The following ADIPOR2 variants were observed in gnomAD, a reference collection of about 807,000 sequenced individuals.
The protein encoded by ADIPOR2 is adiponectin receptor protein 2.
ADIPOR2 carries 18 observed loss-of-function variants against 40.9 expected under a neutral mutation model. The ratio of observed to expected loss-of-function variants is 0.44; its 90% CI spans 0.30 to 0.65. The LOEUF (loss-of-function observed/expected upper bound fraction) is 0.65. Among genes scored for constraint, ADIPOR2 ranks in the 30% least tolerant of loss-of-function variants. The pLI, the probability that ADIPOR2 is intolerant of heterozygous loss-of-function variation, is 0.09. For missense variants in ADIPOR2, 283 were observed against 479.2 expected (o/e 0.59, Z 3.82); for synonymous variants, 165 against 166.4 (o/e 0.99, Z 0.06).
intron 3 of ADIPOR2, among the ~76,000 whole-genome samples, chr12:1,775,886 TG>T (rs1249071944): frequency 6.6e-6 from 1 of 152,244 alleles, no homozygotes; most frequent in Non-Finnish European, 1.5e-5. Context: ...TAAAGTCCTG[TG>T]GAAGATCTCA....
At chr12:1,725,670 A>G (rs953819228) in intron 1 of ADIPOR2, among the ~76,000 whole-genome samples, 2 of 152,214 alleles carry the variant, frequency 1.3e-5, no homozygotes, top group African/African-American at 4.8e-5. Context: ...GCAATGTTCT[A>G]GAGACCAGCA....
chr12:1,760,829 A>G (rs931219828), intron 2 of ADIPOR2: 5 of 152,166 alleles, frequency 3.3e-5, no homozygotes, highest in African/African-American at 1.2e-4. Context: ...TGCTGATCTG[A>G]GTGGTGTGAT....
rs149702774 is a variant in ADIPOR2, at chr12:1,703,548, C to T, written c.-87+12357C>T. Among the ~76,000 whole-genome samples, 43 of 151,998 alleles carry T rather than the reference C, an allele frequency of 2.8e-4. No homozygotes were observed. In the East Asian group the frequency reaches 5.8e-3, roughly 21 times the overall value. ...CCCAAGGGTTCGAGACCAACCTGGG[C>T]AACAGAGTGAGACCTGTCTCTACAA... On this transcript the variant is annotated intron_variant, in intron 1 of 7. Transcript: ENST00000357103.
At chr12:1,734,073 G>T (rs903756090) in intron 1 of ADIPOR2, among the ~76,000 whole-genome samples, 1 of 152,068 alleles carries the variant, frequency 6.6e-6, no homozygotes, top group African/African-American at 2.4e-5. Context: ...ATAAACATAC[G>T]TTTGCGTGTG....
At chr12:1,742,916 T>A (rs1178766937) in intron 1 of ADIPOR2, among the ~76,000 whole-genome samples, 2 of 152,226 alleles carry the variant, frequency 1.3e-5, no homozygotes, top group African/African-American at 4.8e-5. Flanking sequence ...AGGATTTACT[T>A]CTTTACTTCA....
chr12:1,760,387 A>T (rs1032343709), intron 2 of ADIPOR2, among the ~76,000 whole-genome samples: 23 of 152,120 alleles, frequency 1.5e-4, no homozygotes, highest in Admixed American at 6.6e-5. Context: ...TAATGGTTTT[A>T]TTAGTCACAG....
intron 1 of ADIPOR2, among the ~76,000 whole-genome samples, chr12:1,741,858 A>T (rs2094743509): frequency 6.6e-6 from 1 of 152,198 alleles, no homozygotes; most frequent in African/African-American, 2.4e-5. Flanking sequence ...TAAAAAATGG[A>T]CCAGACTTTG....
intron 1 of ADIPOR2, among the ~76,000 whole-genome samples, chr12:1,691,905 A>T (rs1283850856): frequency 1.3e-5 from 2 of 152,276 alleles, no homozygotes. Context: ...ACAACTTCAT[A>T]AGATGGTCCA....
At position 1,712,563 on chromosome 12, in the gene ADIPOR2, G is replaced by A. The variant is rs146444973; in HGVS notation, c.-87+21372G>A. Among the ~76,000 whole-genome samples the A allele has an allele frequency of 2.1e-3, 325 of 152,222 alleles. 3 individuals are homozygous for A. Among genetic ancestry groups the A allele is most frequent in the African/African-American group, 7.2e-3 (297 of 41,492 alleles). On this transcript the variant is annotated intron_variant, in intron 1 of 7. Transcript: ENST00000357103. Reference sequence around the variant, plus strand: ...GAGCTATTCCTGCTCTCTCTCTGACGTATAAAGAGAAGTTTTGTCTTGTGG... The same window carrying A: ...GAGCTATTCCTGCTCTCTCTCTGACATATAAAGAGAAGTTTTGTCTTGTGG...
intron 1 of ADIPOR2, among the ~76,000 whole-genome samples, chr12:1,725,125 CTTT>C (rs33993408): frequency 8.1e-4 from 117 of 143,788 alleles, no homozygotes; most frequent in Non-Finnish European, 8.2e-4. Context: ...CGCAAACTTT[CTTT>C]TTTTTTTTTT....
At chr12:1,696,618 A>G (rs977056247) in intron 1 of ADIPOR2, 1 of 151,308 alleles carries the variant, frequency 6.6e-6, no homozygotes, top group African/African-American at 2.4e-5. Flanking sequence ...CTGGTCTTGA[A>G]CTCCTGGCCT....
At chr12:1,768,691 C>T (rs1411023088) in intron 2 of ADIPOR2, among the ~76,000 whole-genome samples, 3 of 152,088 alleles carry the variant, frequency 2.0e-5, no homozygotes, top group Admixed American at 2.0e-4. Context: ...CTCTGTCTTT[C>T]CAAAGGTAAA....
intron 1 of ADIPOR2, among the ~76,000 whole-genome samples, chr12:1,691,907 G>A (rs2094627921): frequency 6.6e-6 from 1 of 152,166 alleles, no homozygotes; most frequent in Non-Finnish European, 1.5e-5. Flanking sequence ...AACTTCATAA[G>A]ATGGTCCAAA....
At chr12:1,746,684 A>G (rs1249298701) in intron 1 of ADIPOR2, among the ~76,000 whole-genome samples, 1 of 152,212 alleles carries the variant, frequency 6.6e-6, no homozygotes, top group East Asian at 1.9e-4. Context: ...AGACTTTAAT[A>G]TGCCACTTTC....
At chr12:1,694,913 G>A (rs1291944911) in intron 1 of ADIPOR2, among the ~76,000 whole-genome samples, 1 of 151,394 alleles carries the variant, frequency 6.6e-6, no homozygotes, top group Admixed American at 6.6e-5. Context: ...CAAACATCTT[G>A]CATTAATTTG....
chr12:1,740,084 A>G (rs2094739356), intron 1 of ADIPOR2, among the ~76,000 whole-genome samples: 1 of 152,146 alleles, frequency 6.6e-6, no homozygotes, highest in Non-Finnish European at 1.5e-5. Flanking sequence ...CCTGGGCGAC[A>G]AGAGCGAGGC....
At chr12:1,756,516 G>T (rs1317501803) in intron 2 of ADIPOR2, among the ~76,000 whole-genome samples, 3 of 150,814 alleles carry the variant, frequency 2.0e-5, no homozygotes, top group African/African-American at 4.9e-5. Context: ...TGAGGAACTA[G>T]AGGGAAGAGT....
In ADIPOR2 at chr12:1,742,859, C is replaced by T. The variant is rs542026666; in HGVS notation, c.-86-11399C>T. Among the ~76,000 whole-genome samples, 4 of 152,288 alleles carry T rather than the reference C, an allele frequency of 2.6e-5. No homozygotes were observed. The South Asian group carries it at 8.3e-4, about 32-fold the overall frequency. ...ATTGATATAGAGGGCTGACTGAATA[C>T]AAAAGCAAGGCAAGTGTGATAGCAG... On this transcript the variant is annotated intron_variant, in intron 1 of 7. Transcript: ENST00000357103.
chr12:1,785,437 A>G (rs1027810198), intron 7 of ADIPOR2, among the ~76,000 whole-genome samples: 8 of 152,224 alleles, frequency 5.3e-5, no homozygotes, highest in Non-Finnish European at 1.2e-4. Flanking sequence ...CATTCCACAC[A>G]CCATCCTGGA....
Sources: gnomAD v4.1 joint callset for allele counts (sites outside exome capture counted in the v4.1 genomes callset) on GRCh38, gnomAD v4.1.1 for gene constraint, MANE v1.5 for transcripts, NCBI Gene and HGNC (gene_info 2026-07-23, HGNC 2026-07-21) for gene names.